CLVS1: variants seen among roughly 807,000 people sequenced by gnomAD.
The protein encoded by CLVS1 is clavesin 1.
Under a neutral mutation model 33.1 loss-of-function variants are expected in CLVS1, and 10 were observed. The ratio of observed to expected loss-of-function variants is 0.30; its 90% CI spans 0.19 to 0.51. The LOEUF (loss-of-function observed/expected upper bound fraction) is 0.51. Ranked by LOEUF, CLVS1 falls within the 20% of genes least tolerant of loss-of-function variation. CLVS1 has a pLI of 0.97. For missense variants in CLVS1, 343 were observed against 433.4 expected (o/e 0.79, Z 1.85); for synonymous variants, 163 against 166.1 (o/e 0.98, Z 0.14).
At chr8:61,180,378 A>G (rs1034832558) in intron 2 of CLVS1, among the ~76,000 whole-genome samples, 2 of 152,220 alleles carry the variant, frequency 1.3e-5, no homozygotes, top group Non-Finnish European at 2.9e-5. Flanking sequence ...GCCCAGGACC[A>G]GGTGGATTCA....
chr8:61,412,770 G>A (rs942279617), intron 3 of CLVS1, among the ~76,000 whole-genome samples: 13 of 152,198 alleles, frequency 8.5e-5, no homozygotes, highest in African/African-American at 3.1e-4. Context: ...TGAGAAATTA[G>A]GCTAAGACCT....
intron 2 of CLVS1, among the ~76,000 whole-genome samples, chr8:61,261,827 T>A (rs1809208292): frequency 1.3e-5 from 2 of 152,184 alleles, no homozygotes. Flanking sequence ...AGCCACTGAG[T>A]CTATGGTATT....
chr8:61,033,793 C>T, the CLVS1 span, among the ~76,000 whole-genome samples: 1 of 152,198 alleles, frequency 6.6e-6, no homozygotes, highest in Non-Finnish European at 1.5e-5. Flanking sequence ...TTTCCTGCTG[C>T]AAGTCAGGGC....
rs1805565011 is a variant in CLVS1, at chr8:61,107,861, A to G, written c.-242-23909A>G. Among the ~76,000 whole-genome samples, 3 of 152,228 alleles carry G rather than the reference A, an allele frequency of 2.0e-5. No individual in the cohort carries two copies. In the South Asian group the frequency reaches 6.2e-4, roughly 32 times the overall value. Reference sequence around the variant, plus strand: ...TTGGATTTGGTGAAATTGTGAACCAACATATTTTTATGTTCTCTGGTTATT... The same window carrying G: ...TTGGATTTGGTGAAATTGTGAACCAGCATATTTTTATGTTCTCTGGTTATT... On this transcript the variant is annotated intron_variant, in intron 1 of 2. Coordinates refer to the CLVS1 transcript ENST00000522621.
chr8:61,021,226 G>A, the CLVS1 span, among the ~76,000 whole-genome samples: 7 of 152,190 alleles, frequency 4.6e-5, no homozygotes, highest in East Asian at 1.9e-4. Flanking sequence ...TGGAGGAGTC[G>A]GGCACAATAA....
intron 3 of CLVS1, among the ~76,000 whole-genome samples, chr8:61,431,314 A>G (rs1816105273): frequency 6.6e-6 from 1 of 152,198 alleles, no homozygotes; most frequent in South Asian, 2.1e-4. Context: ...TGTGTAAGAG[A>G]CTTTCTCAAA....
intron 3 of CLVS1, among the ~76,000 whole-genome samples, chr8:61,417,352 T>G (rs1316631926): frequency 6.6e-6 from 1 of 152,194 alleles, no homozygotes; most frequent in Non-Finnish European, 1.5e-5. Flanking sequence ...TGCTATATTT[T>G]TTTCTCCCAG....
chr8:61,273,516 C>T (rs561194850), intron 2 of CLVS1, among the ~76,000 whole-genome samples: 3 of 152,368 alleles, frequency 2.0e-5, no homozygotes, highest in South Asian at 2.1e-4. Flanking sequence ...TGGTGGGCTC[C>T]GCCCAGTTGG....
the CLVS1 span, among the ~76,000 whole-genome samples, chr8:60,999,560 T>C: frequency 6.6e-6 from 1 of 152,096 alleles, no homozygotes; most frequent in Non-Finnish European, 1.5e-5. Context: ...AATGAAAACA[T>C]TAAAGCCCCA....
chr8:61,400,193 G>A (rs1245114513), intron 3 of CLVS1, among the ~76,000 whole-genome samples: 1 of 152,134 alleles, frequency 6.6e-6, no homozygotes, highest in African/African-American at 2.4e-5. Context: ...ATCTGTTTGA[G>A]TAAACTCAGA....
At chr8:61,195,271 T>C (rs1231511025) in intron 2 of CLVS1, among the ~76,000 whole-genome samples, 1 of 151,360 alleles carries the variant, frequency 6.6e-6, no homozygotes, top group Non-Finnish European at 1.5e-5. Context: ...TCTGGTGAAA[T>C]CAGGAAGGGT....
chr8:61,492,476 A>G (rs1804125847), intron 5 of CLVS1, among the ~76,000 whole-genome samples: 1 of 152,188 alleles, frequency 6.6e-6, no homozygotes, highest in Admixed American at 6.5e-5. Flanking sequence ...GCAGCTCTTC[A>G]TGAAAGCCAC....
chr8:61,245,370 A>G (rs760423293), intron 2 of CLVS1, among the ~76,000 whole-genome samples: 6 of 151,946 alleles, frequency 3.9e-5, no homozygotes, highest in Non-Finnish European at 8.8e-5. Context: ...GTATTTTAGT[A>G]GAGATGGGGT....
intron 2 of CLVS1, among the ~76,000 whole-genome samples, chr8:61,182,750 G>A (rs567685234): frequency 1.5e-4 from 23 of 152,260 alleles, no homozygotes; most frequent in Admixed American, 7.2e-4. Context: ...TATTCCTCAA[G>A]GATCTTGAAC....
chr8:61,040,560 G>T, the CLVS1 span, among the ~76,000 whole-genome samples: 1 of 152,148 alleles, frequency 6.6e-6, no homozygotes, highest in African/African-American at 2.4e-5. Context: ...TCTCATTGTG[G>T]CTTTGATTTG....
chr8:61,451,840 G>T (rs1816973381), intron 3 of CLVS1, among the ~76,000 whole-genome samples: 1 of 151,944 alleles, frequency 6.6e-6, no homozygotes, highest in Admixed American at 6.6e-5. Flanking sequence ...GAGAGAGAGA[G>T]AGAGAGAACA....
the CLVS1 span, among the ~76,000 whole-genome samples, chr8:61,035,016 A>G: frequency 6.6e-6 from 1 of 152,188 alleles, no homozygotes; most frequent in Non-Finnish European, 1.5e-5. Flanking sequence ...AAAAACATTG[A>G]GTATATTACT....
At chr8:61,034,236 T>TC in the CLVS1 span, among the ~76,000 whole-genome samples, 24 of 152,314 alleles carry the variant, frequency 1.6e-4, no homozygotes, top group South Asian at 3.5e-3. Context: ...TCATTTCATT[T>TC]ATTTATTTAT....
intron 1 of CLVS1, among the ~76,000 whole-genome samples, chr8:61,129,590 A>T (rs1182063447): frequency 6.6e-6 from 1 of 152,218 alleles, no homozygotes; most frequent in African/African-American, 2.4e-5. Context: ...GAAGTCCAAG[A>T]TCAAGGAATT....
Sources: gnomAD v4.1 joint callset for allele counts (sites outside exome capture counted in the v4.1 genomes callset) on GRCh38, gnomAD v4.1.1 for gene constraint, MANE v1.5 for transcripts, NCBI Gene and HGNC (gene_info 2026-07-23, HGNC 2026-07-21) for gene names.